Variants in KDM2B observed in about 807,000 individuals in gnomAD.
KDM2B encodes the protein lysine-specific demethylase 2B.
In KDM2B, 26 loss-of-function variants were observed where a neutral mutation model predicts 150.0. That is an observed-to-expected ratio of 0.17 (90% CI 0.13 to 0.24). The LOEUF (loss-of-function observed/expected upper bound fraction) is 0.24. KDM2B is among the 10% of genes least tolerant of loss of function. The pLI is 1.00. For missense variants in KDM2B, 1,265 were observed against 1,816.9 expected (o/e 0.70, Z 5.52); for synonymous variants, 734 against 729.5 (o/e 1.01, Z -0.10).
intron 22 of KDM2B, among the ~76,000 whole-genome samples, chr12:121,437,159 AAAG>A (rs1418494468): frequency 1.3e-5 from 2 of 152,102 alleles, no homozygotes; most frequent in Non-Finnish European, 2.9e-5. Context: ...AAGGGGAGGA[AAAG>A]AAGTCAGGAG....
In KDM2B at chr12:121,578,895, C is replaced by A; in HGVS notation, c.178G>T (p.Glu60Ter). The A allele has an allele frequency of 6.2e-7, 1 of 1,613,210 alleles. No individual in the cohort carries two copies. The highest frequency in any genetic ancestry group is 8.5e-7 in the Non-Finnish European group (1 of 1,179,768). ...AAGCCGCGGACGCTGACGATCTCCT[C>A]CACGTCCGACAAGTCCTCGTTCTCG... Reference protein sequence around the residue: ...YDENEDLSDVEEIVSVRGFSL... With the variant: ...YDENEDLSDV Residue 60 changes from glutamate to a stop codon, truncating the protein, a stop_gained, in exon 2 of 23, where the codon GAG (glutamate) becomes TAG (stop). Transcript: ENST00000377071. LOFTEE classifies it high-confidence loss of function.
rs1298635660 is a variant in KDM2B at position 121,442,933 on chromosome 12, G to A, written c.2604+59C>T. 6.2e-7 allele frequency: 1 copy of A among 1,600,354 alleles called. No individual in the cohort carries two copies. The highest frequency in any genetic ancestry group is 1.3e-5 in the African/African-American group (1 of 74,516). ...CTGCCACGGGACTGTGGCCCAGGGA[G>A]CTGCGGTGCAGCTCTAACCGCTCAG... is the stretch of plus-strand genomic sequence containing the variant. On this transcript the variant is annotated intron_variant, in intron 18 of 22. Coordinates refer to ENST00000377071, the MANE Select transcript of KDM2B (RefSeq NM_032590.5). The surrounding 1 kb of genome is among the most constrained non-coding windows in gnomAD (Gnocchi z 7.7).
In KDM2B at chr12:121,443,044, G is replaced by A. The variant is rs1376629340; in HGVS notation, c.2566-14C>T. 5 of 1,610,150 alleles carry A rather than the reference G, an allele frequency of 3.1e-6. No individual in the cohort carries two copies. The highest frequency in any genetic ancestry group is 2.2e-5 in the East Asian group (1 of 44,788). ...GCCAGGTTTGAGCTGTCACGAAAAA[G>A]AAAGGACGCAGAGCTTGCTCCCCGG... On this transcript the variant is annotated splice_polypyrimidine_tract_variant and intron_variant, in intron 17 of 22. Coordinates refer to ENST00000377071, the MANE Select transcript of KDM2B (RefSeq NM_032590.5).
At chr12:121,492,872 C>G (rs1425914167) in intron 12 of KDM2B, among the ~76,000 whole-genome samples, 1 of 151,466 alleles carries the variant, frequency 6.6e-6, no homozygotes, top group Non-Finnish European at 1.5e-5. Flanking sequence ...TGTTTGAAAT[C>G]TGTTACAGCA....
intron 9 of KDM2B, among the ~76,000 whole-genome samples, chr12:121,515,642 A>C (rs933388956): frequency 1.3e-5 from 2 of 151,054 alleles, no homozygotes; most frequent in African/African-American, 4.9e-5. Flanking sequence ...TTGCCCTAAA[A>C]TGCTATTTTG....
At chr12:121,474,182 C>T (rs1047990737) in intron 12 of KDM2B, among the ~76,000 whole-genome samples, 2 of 152,200 alleles carry the variant, frequency 1.3e-5, no homozygotes, top group East Asian at 3.9e-4. Context: ...ACATTGTGAA[C>T]GTGTTAAATG....
At chr12:121,517,907 G>T (rs535474064) in intron 9 of KDM2B, among the ~76,000 whole-genome samples, 4 of 151,026 alleles carry the variant, frequency 2.6e-5, no homozygotes, top group East Asian at 2.0e-4. Flanking sequence ...TTTTTTGAGG[G>T]GGGGGATGGA....
At position 121,429,731 on chromosome 12, in the gene KDM2B, GGAA is replaced by G. The variant is rs2137331929; in HGVS notation, c.*554_*556del. ...ATTCTCTCCTACCTTAAGGAAATCAGGAAAATTGGCAATCTCAAAACAATAAAA... is the reference window on the plus strand; with the variant it reads ...ATTCTCTCCTACCTTAAGGAAATCAGAATTGGCAATCTCAAAACAATAAAA... On this transcript the variant is annotated 3_prime_UTR_variant, in exon 23 of 23. Coordinates refer to ENST00000377071, the MANE Select transcript of KDM2B (RefSeq NM_032590.5). 5 of 449,012 alleles carry G rather than the reference GGAA, an allele frequency of 1.1e-5. No individual in the cohort carries two copies. In the East Asian group the frequency reaches 1.8e-4, roughly 16 times the overall value. 27.8% of individuals were successfully genotyped at this position (449,012 alleles called of 1,614,324 possible). A position where few individuals can be genotyped will look rare whatever the true frequency, so the allele number is the denominator to read the frequency against.
chr12:121,537,983 TCGACG>T lies in KDM2B; in HGVS notation c.684-3398_684-3394del, dbSNP rs374932370. On this transcript the variant is annotated intron_variant, in intron 6 of 22. Coordinates refer to ENST00000377071, the MANE Select transcript of KDM2B (RefSeq NM_032590.5). The surrounding 1 kb of genome is among the most constrained non-coding windows in gnomAD (Gnocchi z 8.7). ...GGGCGTCCCCTTCGGCTGCGGAGGCTCGACGCGCGCCCGGCCCCACTCCCGGCGGC... is the reference window on the plus strand; with the variant it reads ...GGGCGTCCCCTTCGGCTGCGGAGGCTCGCGCCCGGCCCCACTCCCGGCGGC... 6.7e-6 allele frequency among the ~76,000 whole-genome samples: 1 copy of T among 150,362 alleles called. No homozygotes were observed. Among genetic ancestry groups the T allele is most frequent in the African/African-American group, 2.4e-5 (1 of 41,284 alleles).
chr12:121,425,636 A>T (rs1173769429), downstream of KDM2B, among the ~76,000 whole-genome samples: 2 of 152,230 alleles, frequency 1.3e-5, no homozygotes, highest in African/African-American at 4.8e-5. Flanking sequence ...AGATCAAAGC[A>T]TGTAAATCAA....
At chr12:121,543,102 C>T (rs571236668) in intron 6 of KDM2B, among the ~76,000 whole-genome samples, 299 of 152,334 alleles carry the variant, frequency 2.0e-3, no homozygotes, top group Admixed American at 4.3e-3. Flanking sequence ...TGCCTGTAAT[C>T]CCAGCACGTT....
Position 121,578,828 on chromosome 12 carries a change from T to G in KDM2B, c.245A>C (p.Asp82Ala). 6.3e-7 allele frequency: 1 copy of G among 1,595,414 alleles called. No individual in the cohort carries two copies. The highest frequency in any genetic ancestry group is 1.1e-5 in the South Asian group (1 of 89,300). ...EKLRSQLYQGDFVHAMEGKDF... is the reference protein window; with the variant it reads ...EKLRSQLYQGAFVHAMEGKDF... Reference sequence around the variant, plus strand: ...TTTGCCCTCCATGGCGTGCACGAAGTCCCCCTGGTACAGCTGGCTGCGAAG... The same window carrying G: ...TTTGCCCTCCATGGCGTGCACGAAGGCCCCCTGGTACAGCTGGCTGCGAAG... Residue 82 changes from aspartate to alanine, a missense_variant, in exon 2 of 23, where the codon GAC becomes GCC. This residue lies in a region of KDM2B where 214 missense variants were observed against 447.4 expected (regional missense o/e 0.48). Coordinates refer to ENST00000377071, the MANE Select transcript of KDM2B (RefSeq NM_032590.5).
chr12:121,499,013 G>A (rs1334767883), intron 11 of KDM2B, among the ~76,000 whole-genome samples: 1 of 151,748 alleles, frequency 6.6e-6, no homozygotes, highest in African/African-American at 2.4e-5. Context: ...TTCTTGCTAT[G>A]TTGCCCAGGT....
rs1874920855 is a variant in KDM2B at position 121,440,988 on chromosome 12, A to G, written c.3449-11T>C. The G allele has an allele frequency of 6.2e-7, 1 of 1,613,266 alleles. No homozygotes were observed. The highest frequency in any genetic ancestry group is 2.2e-5 in the East Asian group (1 of 44,860). On this transcript the variant is annotated splice_polypyrimidine_tract_variant and intron_variant, in intron 20 of 22. Transcript: ENST00000377071. ...CCAAGTCCCGGAGCCCTGGGGGGACATAGAAAAGGGTGAAGGTCAGGGGAT... is the reference window on the plus strand; with the variant it reads ...CCAAGTCCCGGAGCCCTGGGGGGACGTAGAAAAGGGTGAAGGTCAGGGGAT...
chr12:121,537,857 G>A lies in KDM2B; in HGVS notation c.684-3267C>T, dbSNP rs1195735434. ...CGCGGGCGGGAGGCCACCCACACCC[G>A]CCCCGCGCAGCGCCACAAAGGAGGG... On this transcript the variant is annotated intron_variant, in intron 6 of 22. Transcript: ENST00000377071. The surrounding 1 kb of genome is among the most constrained non-coding windows in gnomAD (Gnocchi z 8.7). Among the ~76,000 whole-genome samples the A allele has an allele frequency of 6.6e-6, 1 of 151,622 alleles. No individual in the cohort carries two copies. Among genetic ancestry groups the A allele is most frequent in the Admixed American group, 6.6e-5 (1 of 15,220 alleles).
chr12:121,520,866 A>G lies in KDM2B; in HGVS notation c.1047+119T>C. ...ACCAGGACTGAAGCCAGCTTGAGAG[A>G]GGAATCGGGAGGGAGAGGGGAACTG... On this transcript the variant is annotated intron_variant, in intron 9 of 22. Coordinates refer to ENST00000377071, the MANE Select transcript of KDM2B (RefSeq NM_032590.5). The surrounding 1 kb of genome is among the most constrained non-coding windows in gnomAD (Gnocchi z 4.5). The G allele has an allele frequency of 9.3e-6, 4 of 428,400 alleles. No individual in the cohort carries two copies. Among genetic ancestry groups the G allele is most frequent in the East Asian group, 7.3e-5 (1 of 13,786 alleles). The allele number at this position is 428,400 out of a possible 1,614,324, so 26.5% of individuals were successfully genotyped here. A position where few individuals can be genotyped will look rare whatever the true frequency, so the allele number is the denominator to read the frequency against.
At chr12:121,568,393 G>C (rs1380984186) in intron 4 of KDM2B, among the ~76,000 whole-genome samples, 1 of 152,110 alleles carries the variant, frequency 6.6e-6, no homozygotes. Flanking sequence ...CCAGGAGGCA[G>C]AGGTTGCAGT....
rs1304052491 is a variant in KDM2B at position 121,520,333 on chromosome 12, C to A, written c.1047+652G>T. On this transcript the variant is annotated intron_variant, in intron 9 of 22. Coordinates refer to ENST00000377071, the MANE Select transcript of KDM2B (RefSeq NM_032590.5). This position sits in a 1 kb window ranked among gnomAD's most constrained non-coding sequence, Gnocchi z 4.5. ...CACTTGTGGAGCGAAGGACACACAT[C>A]AGTTACCTAAGCCTCCGCCCATGTT... is the stretch of plus-strand genomic sequence containing the variant. 6.6e-6 allele frequency among the ~76,000 whole-genome samples: 1 copy of A among 152,178 alleles called. No individual in the cohort carries two copies. Among genetic ancestry groups the A allele is most frequent in the African/African-American group, 2.4e-5 (1 of 41,434 alleles).
rs374792400 is a variant in KDM2B, at chr12:121,549,187, G to A, written c.577-204C>T. On this transcript the variant is annotated intron_variant, in intron 5 of 22. Coordinates refer to ENST00000377071, the MANE Select transcript of KDM2B (RefSeq NM_032590.5). The surrounding 1 kb of genome is among the most constrained non-coding windows in gnomAD (Gnocchi z 4.4). The stretch of plus-strand genomic sequence containing the variant: ...GGAGATGAAACAGTCGCTGGGGGTC[G>A]GGCACGGTAGCTTATACCTCTAATC... Among the ~76,000 whole-genome samples, 43 of 152,242 alleles carry A rather than the reference G, an allele frequency of 2.8e-4. No homozygotes were observed. The highest frequency in any genetic ancestry group is 9.2e-4 in the African/African-American group (38 of 41,530).
Sources: gnomAD v4.1 joint callset for allele counts (sites outside exome capture counted in the v4.1 genomes callset) on GRCh38, gnomAD v4.1.1 for gene constraint, gnomAD v4.1.1 regional missense constraint, Gnocchi (gnomAD v3.1) non-coding constraint, MANE v1.5 for transcripts, NCBI Gene and HGNC (gene_info 2026-07-23, HGNC 2026-07-21) for gene names.